Variants in CHRNB2 observed in about 807,000 individuals in gnomAD.
The protein encoded by CHRNB2 is neuronal acetylcholine receptor subunit beta-2.
Under a neutral mutation model 42.7 loss-of-function variants are expected in CHRNB2, and 33 were observed. That is an observed-to-expected ratio of 0.77 (90% CI 0.59 to 1.03). The LOEUF (loss-of-function observed/expected upper bound fraction) is 1.03, where lower values mean the gene tolerates loss of function less well. CHRNB2 is among the 50% of genes least tolerant of loss of function. The pLI, the probability that CHRNB2 is intolerant of heterozygous loss-of-function variation, is 0.00. For missense variants in CHRNB2, 603 were observed against 700.9 expected (o/e 0.86, Z 1.58); for synonymous variants, 325 against 292.9 (o/e 1.11, Z -1.12).
intron 5 of CHRNB2, 57 bp from the exon 6 acceptor site, chr1:154,575,705 C>A: frequency 6.3e-7 from 1 of 1,580,068 alleles, no homozygotes; most frequent in East Asian, 2.2e-5. Context: ...CGCTTATACT[C>A]GTTTGTCTCC....
Position 154,571,788 on chromosome 1 carries a change from A to G in CHRNB2, c.965A>G (p.His322Arg). Residue 322 changes from histidine to arginine, a missense_variant, in exon 5 of 6, where the codon CAC becomes CGC. Physicochemically the swap from His to Arg is conservative, Grantham distance 29. This residue lies in a region of CHRNB2 where 333 missense variants were observed against 452.6 expected (regional missense o/e 0.74). Coordinates refer to ENST00000368476, the MANE Select transcript of CHRNB2 (RefSeq NM_000748.3). This position sits in a 1 kb window ranked among gnomAD's most constrained non-coding sequence, Gnocchi z 6.8. ...IVTSVCVLNVHHRSPTTHTMA... is the reference protein window; with the variant it reads ...IVTSVCVLNVRHRSPTTHTMA... ...ACCAGCGTGTGCGTGCTCAACGTGCACCACCGCTCGCCCACCACGCACACC... is the reference window on the plus strand; with the variant it reads ...ACCAGCGTGTGCGTGCTCAACGTGCGCCACCGCTCGCCCACCACGCACACC... 1.2e-6 allele frequency: 2 copies of G among 1,614,134 alleles called. No individual in the cohort carries two copies. Among genetic ancestry groups the G allele is most frequent in the South Asian group, 2.2e-5 (2 of 91,090 alleles).
chr1:154,575,797 C>T lies in CHRNB2; in HGVS notation c.1374C>T (p.Ile458=), dbSNP rs1052299583. The T allele has an allele frequency of 1.4e-5, 23 of 1,614,182 alleles. No individual in the cohort carries two copies. Among genetic ancestry groups the T allele is most frequent in the East Asian group, 2.2e-5 (1 of 44,890 alleles). ...ACTGGAAGTACGTCGCCATGGTGAT[C>T]GACCGCCTCTTCCTCTGGATCTTTG... is the stretch of plus-strand genomic sequence containing the variant. ...SEDWKYVAMV[I]DRLFLWIFVF... is the part of the protein sequence containing the mutation. The change falls in exon 6 of 6, where the codon ATC becomes ATT. Residue 458 remains isoleucine, a synonymous_variant. Transcript: ENST00000368476.
chr1:154,571,807 GC>G lies in CHRNB2; in HGVS notation c.985del (p.His329ThrfsTer7). On this transcript the variant is annotated frameshift_variant, in exon 5 of 6. Transcript: ENST00000368476. LOFTEE classifies it high-confidence loss of function. The surrounding 1 kb of genome is among the most constrained non-coding windows in gnomAD (Gnocchi z 6.8). ...LNVHHRSPTT[H>X]TMAPWVKVVF... is the part of the protein sequence containing the mutation. Reference sequence around the variant, plus strand: ...ACGTGCACCACCGCTCGCCCACCACGCACACCATGGCGCCCTGGGTGAAGGT... The same window carrying G: ...ACGTGCACCACCGCTCGCCCACCACGACACCATGGCGCCCTGGGTGAAGGT... The G allele has an allele frequency of 6.2e-7, 1 of 1,613,892 alleles. No homozygotes were observed. Among genetic ancestry groups the G allele is most frequent in the Non-Finnish European group, 8.5e-7 (1 of 1,180,018 alleles).
intron 1 of CHRNB2, 97 bp from the exon 2 acceptor site, chr1:154,569,365 T>C (rs1189349051): frequency 7.1e-7 from 1 of 1,418,222 alleles, no homozygotes; most frequent in Non-Finnish European, 9.8e-7. Flanking sequence ...AGGGAGATAC[T>C]GGTTGGGCCT....
intron 5 of CHRNB2, among the ~76,000 whole-genome samples, chr1:154,572,793 TG>T (rs1159837738): frequency 6.6e-6 from 1 of 151,802 alleles, no homozygotes; most frequent in East Asian, 1.9e-4. Context: ...TGGGGGTGGG[TG>T]AAGGGGAAGG....
chr1:154,570,754 T>C (rs909049978), intron 4 of CHRNB2, among the ~76,000 whole-genome samples: 1 of 152,138 alleles, frequency 6.6e-6, no homozygotes, highest in Non-Finnish European at 1.5e-5. Flanking sequence ...TAATCCATCT[T>C]ATCTCTAGGG....
At chr1:154,568,133 A>G (rs1451067631) in intron 1 of CHRNB2, 25 bp downstream of exon 1, 4 of 1,587,094 alleles carry the variant, frequency 2.5e-6, no homozygotes, top group Admixed American at 3.5e-5. Flanking sequence ...GGCACTGGCC[A>G]GGTTCTCCTA....
chr1:154,574,252 A>T (rs943699946), intron 5 of CHRNB2, among the ~76,000 whole-genome samples: 2 of 152,192 alleles, frequency 1.3e-5, no homozygotes, highest in African/African-American at 4.8e-5. Context: ...AAGAACAGGG[A>T]CACTCTCTTG....
Position 154,568,037 on chromosome 1 carries a change from C to G in CHRNB2, c.-8C>G. 6.3e-7 allele frequency: 1 copy of G among 1,585,712 alleles called. No individual in the cohort carries two copies. The highest frequency in any genetic ancestry group is 8.6e-7 in the Non-Finnish European group (1 of 1,169,030). On this transcript the variant is annotated 5_prime_UTR_variant, in exon 1 of 6. Coordinates refer to ENST00000368476, the MANE Select transcript of CHRNB2 (RefSeq NM_000748.3). ...GGTGTAGGCGAGGCAGCGAGCTATG[C>G]CCGCGGCATGGCCCGGCGCTGCGGC...
Position 154,567,842 on chromosome 1 carries a change from G to T in CHRNB2, c.-203G>T. On this transcript the variant is annotated 5_prime_UTR_variant, in exon 1 of 6. Coordinates refer to ENST00000368476, the MANE Select transcript of CHRNB2 (RefSeq NM_000748.3). ...AGAGCAGCCGGAAAAGCCTCCGCCT[G>T]CTCATACCAGGATAGGCAAGAAGCT... The T allele has an allele frequency of 2.2e-6, 1 of 464,164 alleles. No individual in the cohort carries two copies. 28.8% of individuals were successfully genotyped at this position (464,164 alleles called of 1,614,324 possible).
rs188760947 is a variant in CHRNB2, at chr1:154,576,343, C to T, written c.*411C>T. ...GGGGTGGAAGGGCAGGAGCTCACAC[C>T]GCACCGGGCTGGCCTGACACAATGG... On this transcript the variant is annotated 3_prime_UTR_variant, in exon 6 of 6. Coordinates refer to ENST00000368476, the MANE Select transcript of CHRNB2 (RefSeq NM_000748.3). 6.0e-5 allele frequency: 20 copies of T among 333,062 alleles called. No homozygotes were observed. Among genetic ancestry groups the T allele is most frequent in the Middle Eastern group, 1.1e-3 (1 of 928 alleles). 20.6% of individuals were successfully genotyped at this position (333,062 alleles called of 1,614,324 possible). A position where few individuals can be genotyped will look rare whatever the true frequency, so the allele number is the denominator to read the frequency against.
Position 154,571,622 on chromosome 1 carries a change from A to G in CHRNB2, c.799A>G (p.Thr267Ala). The G allele has an allele frequency of 1.9e-6, 3 of 1,614,176 alleles. No individual in the cohort carries two copies. Among genetic ancestry groups the G allele is most frequent in the Non-Finnish European group, 2.5e-6 (3 of 1,180,024 alleles). Reference protein sequence around the residue: ...YLPSDCGEKMTLCISVLLALT... With the variant: ...YLPSDCGEKMALCISVLLALT... The stretch of plus-strand genomic sequence containing the variant: ...GCCATCCGACTGTGGCGAGAAGATG[A>G]CGTTGTGCATCTCAGTGCTGCTGGC... The change falls in exon 5 of 6, where the codon ACG becomes GCG. Residue 267 changes from threonine (T) to alanine (A), a missense_variant. Coordinates refer to ENST00000368476, the MANE Select transcript of CHRNB2 (RefSeq NM_000748.3). The surrounding 1 kb of genome is among the most constrained non-coding windows in gnomAD (Gnocchi z 6.8).
Position 154,569,584 on chromosome 1 carries a change from T to A in CHRNB2, c.187T>A (p.Ser63Thr). 6.2e-7 allele frequency: 1 copy of A among 1,614,114 alleles called. No homozygotes were observed. The highest frequency in any genetic ancestry group is 8.5e-7 in the Non-Finnish European group (1 of 1,180,008). The change falls in exon 2 of 6, where the codon TCA becomes ACA. Residue 63 changes from serine (S) to threonine (T), a missense_variant. Around this residue, in one of 2 missense-constraint regions of CHRNB2, gnomAD observed 333 missense variants for 452.6 expected, o/e 0.74. Transcript: ENST00000368476. ...SELVTVQLMV[S>T]LAQLISVHER... is the part of the protein sequence containing the mutation. Reference sequence around the variant, plus strand: ...GCTGGTGACAGTACAGCTTATGGTGTCACTGGCCCAGCTCATCAGTGTGGT... The same window carrying A: ...GCTGGTGACAGTACAGCTTATGGTGACACTGGCCCAGCTCATCAGTGTGGT...
At position 154,571,551 on chromosome 1, in the gene CHRNB2, T is replaced by C; in HGVS notation, c.728T>C (p.Ile243Thr). The C allele has an allele frequency of 6.2e-7, 1 of 1,614,110 alleles. No individual in the cohort carries two copies. The highest frequency in any genetic ancestry group is 8.5e-7 in the Non-Finnish European group (1 of 1,180,030). Residue 243 changes from isoleucine to threonine, a missense_variant, in exon 5 of 6, where the codon ATC becomes ACC. This residue lies in a region of CHRNB2 where 333 missense variants were observed against 452.6 expected (regional missense o/e 0.74). Transcript: ENST00000368476. The surrounding 1 kb of genome is among the most constrained non-coding windows in gnomAD (Gnocchi z 6.8). Reference protein sequence around the residue: ...KPLFYTINLIIPCVLITSLAI... With the variant: ...KPLFYTINLITPCVLITSLAI... ...CTCTTCTACACCATCAACCTCATCA[T>C]CCCCTGTGTGCTCATCACCTCGCTA...
At chr1:154,569,352 T>A (rs934900054) in intron 1 of CHRNB2, 110 bp from the exon 2 acceptor site, 1 of 1,274,576 alleles carries the variant, frequency 7.8e-7, no homozygotes, top group Admixed American at 1.9e-5. Flanking sequence ...TCCTTAGGGA[T>A]GTAGGGAGAT....
chr1:154,568,130 G>C lies in CHRNB2; in HGVS notation c.64+22G>C, dbSNP rs1382774946. 6.9e-6 allele frequency: 11 copies of C among 1,590,158 alleles called. No homozygotes were observed. In the East Asian group the frequency reaches 2.5e-4, roughly 37 times the overall value. The stretch of plus-strand genomic sequence containing the variant: ...TCAGGTAAGGGAAAGACGGGCACTG[G>C]CCAGGTTCTCCTACCCCAGCCAACG... On this transcript the variant is annotated intron_variant, in intron 1 of 5. Transcript: ENST00000368476.
chr1:154,570,788 A>T (rs920673376), intron 4 of CHRNB2, among the ~76,000 whole-genome samples: 1 of 152,080 alleles, frequency 6.6e-6, no homozygotes, highest in Non-Finnish European at 1.5e-5. Flanking sequence ...TCCTCAACTG[A>T]TGGGACCATG....
chr1:154,572,049 C>T lies in CHRNB2; in HGVS notation c.1226C>T (p.Pro409Leu), dbSNP rs1303546196. 1.1e-5 allele frequency: 17 copies of T among 1,534,596 alleles called. No individual in the cohort carries two copies. The highest frequency in any genetic ancestry group is 5.5e-5 in the African/African-American group (4 of 72,974). Residue 409 changes from proline (P) to leucine (L), a missense_variant, in exon 5 of 6, where the codon CCA becomes CTA. Physicochemically the swap from Pro to Leu is moderately conservative, Grantham distance 98 (BLOSUM62 -3). Coordinates refer to ENST00000368476, the MANE Select transcript of CHRNB2 (RefSeq NM_000748.3). ...LAGAFGAEPA[P>L]VAGPGRSGEP... The stretch of plus-strand genomic sequence containing the variant: ...GGGGCCTTCGGGGCTGAGCCTGCAC[C>T]AGTGGCGGGCCCCGGGCGCTCAGGG...
Position 154,574,268 on chromosome 1 carries a change from C to T in CHRNB2, c.1339-1494C>T, listed in dbSNP as rs143599531. Among the ~76,000 whole-genome samples, 488 of 152,294 alleles carry T rather than the reference C, an allele frequency of 3.2e-3. 4 individuals are homozygous for T. The highest frequency in any genetic ancestry group is 4.8e-3 in the Non-Finnish European group (329 of 68,020). On this transcript the variant is annotated intron_variant, in intron 5 of 5. Transcript: ENST00000368476. ...AGAACAGGGACACTCTCTTGCATAA[C>T]CCAGGTTCAGTGATCGACTGCTGGA...
Sources: gnomAD v4.1 joint callset for allele counts (sites outside exome capture counted in the v4.1 genomes callset) on GRCh38, gnomAD v4.1.1 for gene constraint, gnomAD v4.1.1 regional missense constraint, Gnocchi (gnomAD v3.1) non-coding constraint, MANE v1.5 for transcripts, NCBI Gene and HGNC (gene_info 2026-07-23, HGNC 2026-07-21) for gene names.